The following TBC1D1 variants were observed in gnomAD, a reference collection of about 807,000 sequenced individuals.
The protein encoded by TBC1D1 is TBC1 (tre-2/USP6, BUB2, cdc16) domain family, member 1.
Under a neutral mutation model 125.6 loss-of-function variants are expected in TBC1D1, and 89 were observed. That is an observed-to-expected ratio of 0.71 (90% CI 0.60 to 0.85). The LOEUF is 0.85. Among genes scored for constraint, TBC1D1 ranks in the 40% least tolerant of loss-of-function variants. The pLI, the probability that TBC1D1 is intolerant of heterozygous loss-of-function variation, is 0.00. For synonymous variants in TBC1D1, 565 were observed against 564.1 expected (o/e 1.00, Z -0.02); for missense variants, 1,377 against 1,469.2 (o/e 0.94, Z 1.03).
intron 2 of TBC1D1, among the ~76,000 whole-genome samples, chr4:37,909,295 C>A (rs1005447332): frequency 2.0e-5 from 3 of 152,258 alleles, no homozygotes; most frequent in Admixed American, 2.0e-4. Flanking sequence ...GTATCAAAAG[C>A]CATTGTTGCC....
At chr4:38,033,828 ATATGCACTTAAGGTT>A (rs1360079995) in intron 7 of TBC1D1, among the ~76,000 whole-genome samples, 2 of 152,186 alleles carry the variant, frequency 1.3e-5, no homozygotes, top group Non-Finnish European at 2.9e-5. Context: ...TTGCTTAGCA[ATATGCACTTAAGGTT>A]CTTCCATGTC....
chr4:38,136,916 A>C (rs1025142978), intron 19 of TBC1D1, among the ~76,000 whole-genome samples: 19 of 151,980 alleles, frequency 1.3e-4, no homozygotes, highest in Admixed American at 1.2e-3. Flanking sequence ...AGGAGAAGAA[A>C]ATGCTGGGGG....
At chr4:38,046,546 A>G (rs977071950) in intron 10 of TBC1D1, among the ~76,000 whole-genome samples, 3 of 152,090 alleles carry the variant, frequency 2.0e-5, no homozygotes, top group African/African-American at 7.2e-5. Flanking sequence ...TATATTGCAT[A>G]CTGGTGGGGA....
chr4:37,965,756 T>A (rs1031513236), intron 2 of TBC1D1, among the ~76,000 whole-genome samples: 10 of 151,486 alleles, frequency 6.6e-5, no homozygotes, highest in Admixed American at 2.0e-4. Flanking sequence ...TTATTTATTT[T>A]ATTTATTTAT....
chr4:38,101,277 A>G (rs936797407), intron 14 of TBC1D1, among the ~76,000 whole-genome samples: 14 of 152,138 alleles, frequency 9.2e-5, no homozygotes, highest in African/African-American at 3.1e-4. Context: ...TTTTTCCCGG[A>G]TGGAAAGAAA....
rs1198913404 is a variant in TBC1D1, at chr4:38,049,776, C to T, written c.1788C>T (p.Thr596=). 2.5e-6 allele frequency: 4 copies of T among 1,614,160 alleles called. No individual in the cohort carries two copies. Among genetic ancestry groups the T allele is most frequent in the Non-Finnish European group, 3.4e-6 (4 of 1,180,026 alleles). ...AGGCCTTCAGGAGGCGAGCAAACAC[C>T]CTGAGTCACTTCCCCATCGAATGCC... is the stretch of plus-strand genomic sequence containing the variant. The change falls in exon 11 of 20, where the codon ACC becomes ACT. Residue 596 remains threonine, a synonymous_variant. Coordinates refer to ENST00000261439, the MANE Select transcript of TBC1D1 (RefSeq NM_015173.4).
intron 7 of TBC1D1, 46 bp from the exon 8 acceptor site, chr4:38,035,542 T>C: frequency 6.7e-7 from 1 of 1,497,786 alleles, no homozygotes; most frequent in Non-Finnish European, 9.3e-7. Flanking sequence ...TTAGCAATAT[T>C]GTTGACGATT....
chr4:38,028,057 A>G (rs1317460220), intron 7 of TBC1D1, among the ~76,000 whole-genome samples, 178 bp downstream of exon 7: 1 of 151,896 alleles, frequency 6.6e-6, no homozygotes, highest in Admixed American at 6.6e-5. Context: ...TTGGAAGAAG[A>G]AGGATTGTCC....
At chr4:37,909,880 A>C (rs1718189083) in intron 2 of TBC1D1, among the ~76,000 whole-genome samples, 1 of 152,174 alleles carries the variant, frequency 6.6e-6, no homozygotes. Flanking sequence ...GCTAATCAGC[A>C]CTTGACTGTC....
chr4:37,900,249 C>CT (rs951480838), intron 1 of TBC1D1, among the ~76,000 whole-genome samples: 4 of 151,894 alleles, frequency 2.6e-5, no homozygotes, highest in Non-Finnish European at 5.9e-5. Flanking sequence ...ACCTCGGCAA[C>CT]TTTAACAGAA....
intron 12 of TBC1D1, among the ~76,000 whole-genome samples, chr4:38,062,208 A>T (rs1752890604): frequency 6.6e-6 from 1 of 151,482 alleles, no homozygotes; most frequent in Non-Finnish European, 1.5e-5. Flanking sequence ...ACTTGGTGGC[A>T]GTGTTGCTCC....
At chr4:38,050,025 A>G (rs1056120871) in intron 11 of TBC1D1, 127 bp downstream of exon 11, 4 of 1,093,250 alleles carry the variant, frequency 3.7e-6, no homozygotes, top group Non-Finnish European at 5.2e-6. Flanking sequence ...TTTGGAGATA[A>G]AACTGGAAGC....
At chr4:37,927,977 G>T (rs1303904902) in intron 2 of TBC1D1, among the ~76,000 whole-genome samples, 1 of 152,194 alleles carries the variant, frequency 6.6e-6, no homozygotes, top group Non-Finnish European at 1.5e-5. Context: ...CACAATAACA[G>T]AAATGACTGA....
intron 2 of TBC1D1, among the ~76,000 whole-genome samples, chr4:37,919,518 T>TATGC (rs1720474902): frequency 6.6e-6 from 1 of 151,988 alleles, no homozygotes; most frequent in South Asian, 2.1e-4. Context: ...TCACAGTTTC[T>TATGC]ATGCAGTTAA....
chr4:37,896,345 C>A (rs1714618837), intron 1 of TBC1D1, among the ~76,000 whole-genome samples: 1 of 152,116 alleles, frequency 6.6e-6, no homozygotes, highest in African/African-American at 2.4e-5. Flanking sequence ...GGGCTGGGAA[C>A]AAAGGGGGTT....
intron 15 of TBC1D1, chr4:38,110,383 G>A: frequency 1.0e-6 from 1 of 985,322 alleles, no homozygotes; most frequent in Non-Finnish European, 1.2e-6. Context: ...GATCCTAATA[G>A]GATTCCTGCC....
chr4:37,951,901 T>C (rs1306763039), intron 2 of TBC1D1: 5 of 702,078 alleles, frequency 7.1e-6, no homozygotes, highest in Non-Finnish European at 1.3e-5. Context: ...GTTCAGGTGA[T>C]AATGGGTATG....
intron 1 of TBC1D1, among the ~76,000 whole-genome samples, chr4:37,894,091 T>C (rs1714004335): frequency 6.6e-6 from 1 of 151,030 alleles, no homozygotes; most frequent in Admixed American, 6.6e-5. Flanking sequence ...TGGGTTCAAG[T>C]GATTCTCCTG....
intron 7 of TBC1D1, among the ~76,000 whole-genome samples, chr4:38,028,251 C>T (rs1401864394): frequency 1.3e-5 from 2 of 152,146 alleles, no homozygotes; most frequent in Admixed American, 6.5e-5. Flanking sequence ...CTGCAGTCTC[C>T]GCCTCCCAGG....
Sources: gnomAD v4.1 joint callset for allele counts (sites outside exome capture counted in the v4.1 genomes callset) on GRCh38, gnomAD v4.1.1 for gene constraint, MANE v1.5 for transcripts, NCBI Gene and HGNC (gene_info 2026-07-23, HGNC 2026-07-21) for gene names.